Variants in EPHB1 observed in about 807,000 individuals in gnomAD.
EPHB1 encodes EPH receptor B1, also known as ephrin type-B receptor 1.
In EPHB1, 30 loss-of-function variants were observed where a neutral mutation model predicts 94.4. The observed-to-expected ratio is 0.32, with a 90% CI of 0.24 to 0.43. The LOEUF (loss-of-function observed/expected upper bound fraction) is 0.43. EPHB1 is among the 20% of genes least tolerant of loss of function. The pLI is 1.00. For missense variants in EPHB1, 1,055 were observed against 1,308.3 expected, an observed-to-expected ratio of 0.81 and a Z score of 2.99; for synonymous variants, 522 against 489.1, an observed-to-expected ratio of 1.07 and a Z score of -0.89.
At chr3:134,953,561 G>A (rs1481787768) in intron 3 of EPHB1, among the ~76,000 whole-genome samples, 2 of 152,230 alleles carry the variant, frequency 1.3e-5, no homozygotes, top group South Asian at 2.1e-4. Flanking sequence ...GGGGACCAAG[G>A]CACCAGGCTG....
At chr3:135,114,174 C>G (rs1939580724) in intron 4 of EPHB1, among the ~76,000 whole-genome samples, 1 of 152,166 alleles carries the variant, frequency 6.6e-6, no homozygotes, top group South Asian at 2.1e-4. Context: ...GCACAGTGCA[C>G]TTTCACGTAC....
At chr3:135,027,565 C>A (rs1048179212) in intron 3 of EPHB1, among the ~76,000 whole-genome samples, 1 of 149,944 alleles carries the variant, frequency 6.7e-6, no homozygotes, top group Non-Finnish European at 1.5e-5. Flanking sequence ...GGGATGAAGC[C>A]CACTTGATCA....
intron 3 of EPHB1, among the ~76,000 whole-genome samples, chr3:135,075,975 C>T (rs939086654): frequency 2.0e-5 from 3 of 152,062 alleles, no homozygotes; most frequent in Non-Finnish European, 1.5e-5. Context: ...AGATGGCTTC[C>T]TGGTGTTTAT....
chr3:135,141,842 C>T lies in EPHB1; in HGVS notation c.1297+8793C>T, dbSNP rs3772650. ...TGAGGAAGCACTGAAAACCATGTTC[C>T]CACAGGACCACAGGTCCTCAGGGAG... On this transcript the variant is annotated intron_variant, in intron 5 of 15. Coordinates refer to ENST00000398015, the MANE Select transcript of EPHB1 (RefSeq NM_004441.5). 2.6e-5 allele frequency among the ~76,000 whole-genome samples: 4 copies of T among 152,224 alleles called. No individual in the cohort carries two copies. In the East Asian group the frequency reaches 5.8e-4, roughly 22 times the overall value.
intron 13 of EPHB1, among the ~76,000 whole-genome samples, chr3:135,243,929 G>A (rs114311348): frequency 6.6e-6 from 1 of 152,100 alleles, no homozygotes; most frequent in Non-Finnish European, 1.5e-5. Flanking sequence ...AACCCACTCT[G>A]CCCTGGTTTC....
chr3:134,925,710 A>G (rs2038776371), intron 1 of EPHB1, 106 bp from the exon 2 acceptor site: 11 of 886,168 alleles, frequency 1.2e-5, no homozygotes, highest in Non-Finnish European at 1.9e-5. Context: ...TCCTTGTAGT[A>G]CTGTCATTTA....
chr3:135,082,086 G>T (rs1488753483), intron 3 of EPHB1, among the ~76,000 whole-genome samples: 1 of 152,070 alleles, frequency 6.6e-6, no homozygotes, highest in South Asian at 2.1e-4. Flanking sequence ...AGGCTTACAG[G>T]AAATGTGGCT....
chr3:135,179,002 T>C (rs1384248693), intron 9 of EPHB1, among the ~76,000 whole-genome samples: 1 of 152,148 alleles, frequency 6.6e-6, no homozygotes, highest in Non-Finnish European at 1.5e-5. Context: ...TGCATTGGTT[T>C]CTTGGGTTCC....
chr3:135,113,736 T>G (rs1939561262), intron 4 of EPHB1, among the ~76,000 whole-genome samples: 1 of 152,200 alleles, frequency 6.6e-6, no homozygotes, highest in African/African-American at 2.4e-5. Flanking sequence ...TTTTAATGCT[T>G]AAGGACAATG....
chr3:135,130,269 G>A (rs1373663354), intron 4 of EPHB1, among the ~76,000 whole-genome samples: 1 of 152,222 alleles, frequency 6.6e-6, no homozygotes. Flanking sequence ...AATGGTCCAT[G>A]TGTTAGGTGA....
intron 3 of EPHB1, among the ~76,000 whole-genome samples, chr3:135,048,309 G>C (rs1364656296): frequency 8.5e-6 from 1 of 118,068 alleles, no homozygotes; most frequent in Non-Finnish European, 1.6e-5. Context: ...CTTCCAGGCT[G>C]GAGTGCAGTG....
At chr3:134,846,863 G>A (rs994615115) in intron 1 of EPHB1, among the ~76,000 whole-genome samples, 4 of 152,190 alleles carry the variant, frequency 2.6e-5, no homozygotes, top group Non-Finnish European at 4.4e-5. Flanking sequence ...AGGGTCATGT[G>A]ATGGGAGTCA....
chr3:135,096,208 T>C (rs1344503423), intron 3 of EPHB1, among the ~76,000 whole-genome samples: 2 of 152,246 alleles, frequency 1.3e-5, no homozygotes, highest in Non-Finnish European at 2.9e-5. Context: ...TGTATTACAC[T>C]GATCTTCACA....
chr3:134,941,068 G>C (rs2039106846), intron 2 of EPHB1, among the ~76,000 whole-genome samples: 1 of 152,166 alleles, frequency 6.6e-6, no homozygotes, highest in South Asian at 2.1e-4. Context: ...CTGTAGAAAT[G>C]GTTTATTCAT....
At chr3:134,860,152 C>CACACACACACACAG (rs1553858678) in intron 1 of EPHB1, among the ~76,000 whole-genome samples, 7 of 79,520 alleles carry the variant, frequency 8.8e-5, no homozygotes, top group South Asian at 4.7e-4. Context: ...AAGGAAGGGA[C>CACACACACACACAG]ACACACACAC....
chr3:135,170,623 A>G (rs1354887516), intron 9 of EPHB1, among the ~76,000 whole-genome samples: 2 of 151,982 alleles, frequency 1.3e-5, no homozygotes, highest in Non-Finnish European at 2.9e-5. Flanking sequence ...CCTGGATGAG[A>G]TGATTTAGGT....
rs202150559 is a variant in EPHB1 at position 135,157,902 on chromosome 3, A to G, written c.1422+3626A>G. 6.5e-4 allele frequency among the ~76,000 whole-genome samples: 99 copies of G among 152,368 alleles called. 3 individuals are homozygous for G. In the East Asian group the frequency reaches 0.014, roughly 22 times the overall value. On this transcript the variant is annotated intron_variant, in intron 6 of 15. Transcript: ENST00000398015. The stretch of plus-strand genomic sequence containing the variant: ...AATATATATAACCAACTTATAGATG[A>G]TGGAGCTATGTCATAGAAACATTAA...
chr3:134,963,135 CTCCTTCCTTCCTTCCTTCCTTCCTTCCT>C (rs59384593), intron 3 of EPHB1, among the ~76,000 whole-genome samples: 3 of 136,966 alleles, frequency 2.2e-5, no homozygotes, highest in African/African-American at 8.1e-5. Flanking sequence ...CCTTCTCTTG[CTCCTTCCTTCCTTCCTTCCTTCCTTCCT>C]TCCTTCCTTC....
chr3:134,871,120 T>C (rs1020369140), intron 1 of EPHB1, among the ~76,000 whole-genome samples: 2 of 152,142 alleles, frequency 1.3e-5, no homozygotes, highest in African/African-American at 4.8e-5. Flanking sequence ...TAGAGGGAAG[T>C]CATAAGAATA....
Sources: allele counts gnomAD v4.1 joint callset (sites outside exome capture counted in the v4.1 genomes callset), GRCh38; gene constraint gnomAD v4.1.1; transcripts MANE v1.5; gene names NCBI Gene and HGNC (gene_info 2026-07-23, HGNC 2026-07-21).